GRAMD1B: variants seen among roughly 807,000 people sequenced by gnomAD.
The protein encoded by GRAMD1B is protein Aster-B.
Under a neutral mutation model 99.7 loss-of-function variants are expected in GRAMD1B, and 37 were observed. The ratio of observed to expected loss-of-function variants is 0.37; its 90% CI spans 0.29 to 0.49. The LOEUF (loss-of-function observed/expected upper bound fraction) is 0.49, where lower values mean the gene tolerates loss of function less well. Among genes scored for constraint, GRAMD1B ranks in the 20% least tolerant of loss-of-function variants. GRAMD1B has a pLI of 0.98. For missense variants in GRAMD1B, 888 were observed against 1,009.2 expected (o/e 0.88, Z 1.63); for synonymous variants, 427 against 387.6 (o/e 1.10, Z -1.19).
At chr11:123,381,729 C>G (rs573486650) in intron 1 of GRAMD1B, among the ~76,000 whole-genome samples, 1 of 152,218 alleles carries the variant, frequency 6.6e-6, no homozygotes, top group Admixed American at 6.5e-5. Flanking sequence ...TGGTCACCAT[C>G]TCTTGGAACT....
chr11:123,528,233 T>G (rs7110875), intron 2 of GRAMD1B, among the ~76,000 whole-genome samples: 31,638 of 152,102 alleles, frequency 0.21, 3,772 homozygotes, highest in East Asian at 0.29. Context: ...CTCCCTACTC[T>G]TCCAACAAGG....
At chr11:123,474,582 T>TA (rs1286549469) in intron 1 of GRAMD1B, among the ~76,000 whole-genome samples, 3 of 152,188 alleles carry the variant, frequency 2.0e-5, no homozygotes, top group African/African-American at 7.2e-5. Context: ...GTTAGAAGGC[T>TA]AATAAGAAAC....
At chr11:123,396,653 C>T (rs751188075) in intron 1 of GRAMD1B, among the ~76,000 whole-genome samples, 23 of 152,180 alleles carry the variant, frequency 1.5e-4, no homozygotes, top group Non-Finnish European at 3.1e-4. Flanking sequence ...TCTCCCACCC[C>T]AAATGTGATG....
chr11:123,518,393 C>T (rs1941877223), intron 2 of GRAMD1B, among the ~76,000 whole-genome samples: 1 of 152,054 alleles, frequency 6.6e-6, no homozygotes, highest in Non-Finnish European at 1.5e-5. Context: ...ACAAAGTCTC[C>T]TTGGAGAAGG....
In GRAMD1B at chr11:123,584,762, T is replaced by A. The variant is rs186849129; in HGVS notation, c.684+430T>A. ...CCATTGATAGAAGAGTCAACCCATG[T>A]GCTGGGATTTGACCCCTGTCCCAAG... On this transcript the variant is annotated intron_variant, in intron 4 of 19. Coordinates refer to ENST00000635736, the MANE Select transcript of GRAMD1B (RefSeq NM_001387025.1). Among the ~76,000 whole-genome samples the A allele has an allele frequency of 3.0e-3, 462 of 152,224 alleles. 5 individuals are homozygous for A. The highest frequency in any genetic ancestry group is 0.012 in the Admixed American group (186 of 15,310).
intron 1 of GRAMD1B, among the ~76,000 whole-genome samples, chr11:123,472,864 A>G (rs542475571): frequency 6.6e-6 from 1 of 152,296 alleles, no homozygotes; most frequent in African/African-American, 2.4e-5. Context: ...CATTTTGAAC[A>G]TGCCTAGTCC....
At chr11:123,611,890 C>T (rs2136980364) in intron 14 of GRAMD1B, among the ~76,000 whole-genome samples, 1 of 152,160 alleles carries the variant, frequency 6.6e-6, no homozygotes, top group East Asian at 1.9e-4. Flanking sequence ...CTGGGAGAAT[C>T]TATTGACAGA....
intron 2 of GRAMD1B, among the ~76,000 whole-genome samples, chr11:123,513,612 T>TC (rs1941347382): frequency 8.0e-6 from 1 of 125,400 alleles, no homozygotes; most frequent in African/African-American, 3.1e-5. Flanking sequence ...CTTCCTTCCT[T>TC]CCTTCCTTTC....
At chr11:123,423,581 C>A (rs1948536340) in intron 1 of GRAMD1B, among the ~76,000 whole-genome samples, 2 of 152,184 alleles carry the variant, frequency 1.3e-5, no homozygotes, top group Admixed American at 1.3e-4. Context: ...AATCTCATTT[C>A]TTCTCTGACC....
chr11:123,389,798 T>G (rs995992054), intron 1 of GRAMD1B, among the ~76,000 whole-genome samples: 36 of 152,090 alleles, frequency 2.4e-4, no homozygotes, highest in Non-Finnish European at 4.3e-4. Flanking sequence ...CAGGCTGGAG[T>G]GCAGTGGTAC....
intron 2 of GRAMD1B, among the ~76,000 whole-genome samples, chr11:123,555,525 T>A (rs986499681): frequency 6.6e-6 from 1 of 151,942 alleles, no homozygotes; most frequent in Non-Finnish European, 1.5e-5. Context: ...ATTTTTTGTA[T>A]CTTCAGTAGA....
chr11:123,584,162 C>A (rs928069200), intron 3 of GRAMD1B, 150 bp from the exon 4 acceptor site: 1 of 539,840 alleles, frequency 1.9e-6, no homozygotes, highest in Non-Finnish European at 3.3e-6. Flanking sequence ...AAAGGAGGAC[C>A]CCTCCTGAGC....
intron 3 of GRAMD1B, among the ~76,000 whole-genome samples, chr11:123,578,583 A>C (rs561577979): frequency 6.6e-6 from 1 of 152,128 alleles, no homozygotes; most frequent in South Asian, 2.1e-4. Context: ...GTCCCCCGGC[A>C]GGCTGGCTTG....
chr11:123,392,757 T>C (rs1039913446), intron 1 of GRAMD1B, among the ~76,000 whole-genome samples: 18 of 152,204 alleles, frequency 1.2e-4, no homozygotes, highest in Admixed American at 1.3e-4. Flanking sequence ...AACTAGTTCA[T>C]ACTACTGACT....
At chr11:123,453,193 A>T (rs895666193) in intron 1 of GRAMD1B, among the ~76,000 whole-genome samples, 2 of 152,188 alleles carry the variant, frequency 1.3e-5, no homozygotes, top group Non-Finnish European at 2.9e-5. Flanking sequence ...CCTCTAATCC[A>T]GCTTAAATTG....
chr11:123,422,229 G>A lies in GRAMD1B; in HGVS notation c.-175-58587G>A, dbSNP rs530808151. Among the ~76,000 whole-genome samples the A allele has an allele frequency of 1.6e-4, 24 of 152,338 alleles. No individual in the cohort carries two copies. The South Asian group carries it at 4.8e-3, about 30-fold the overall frequency. On this transcript the variant is annotated intron_variant, in intron 1 of 20. Coordinates refer to the GRAMD1B transcript ENST00000638157. ...TTCTGGGGCGCAGTGCAGCAGGGTA[G>A]AGGAAACGGACTATTCCTGAAAAGT...
intron 1 of GRAMD1B, among the ~76,000 whole-genome samples, chr11:123,367,535 A>G (rs1238021287): frequency 2.0e-5 from 3 of 152,174 alleles, no homozygotes; most frequent in Non-Finnish European, 1.5e-5. Context: ...GTGCAAAAAC[A>G]TGGAGTTGTG....
intron 2 of GRAMD1B, among the ~76,000 whole-genome samples, chr11:123,529,647 G>C (rs1018920388): frequency 1.3e-5 from 2 of 152,200 alleles, no homozygotes; most frequent in African/African-American, 2.4e-5. Context: ...TAGTGATTTG[G>C]AAGCCAAGAA....
At chr11:123,582,985 CATGT>C (rs1376873417) in intron 3 of GRAMD1B, among the ~76,000 whole-genome samples, 1 of 152,126 alleles carries the variant, frequency 6.6e-6, no homozygotes, top group Non-Finnish European at 1.5e-5. Context: ...GGAGCTTAGG[CATGT>C]GTGTGTGTGC....
Sources: gnomAD v4.1 joint callset for allele counts (sites outside exome capture counted in the v4.1 genomes callset) on GRCh38, gnomAD v4.1.1 for gene constraint, MANE v1.5 for transcripts, NCBI Gene and HGNC (gene_info 2026-07-23, HGNC 2026-07-21) for gene names.